The following SFMBT1 variants were observed in gnomAD, a reference collection of about 807,000 sequenced individuals.
SFMBT1 encodes the protein Scm like with four mbt domains 1.
Under a neutral mutation model 108.7 loss-of-function variants are expected in SFMBT1, and 32 were observed. That is an observed-to-expected ratio of 0.29 (90% confidence interval 0.22 to 0.40). The LOEUF (loss-of-function observed/expected upper bound fraction) is 0.40. Among genes scored for constraint, SFMBT1 ranks in the 10% least tolerant of loss-of-function variants. The pLI is 1.00. For synonymous variants in SFMBT1, 348 were observed against 369.5 expected (o/e 0.94, Z 0.67); for missense variants, 816 against 1,059.6 (o/e 0.77, Z 3.19).
chr3:53,037,153 G>A (rs1371031481), intron 1 of SFMBT1, among the ~76,000 whole-genome samples: 1 of 152,222 alleles, frequency 6.6e-6, no homozygotes, highest in East Asian at 1.9e-4. Context: ...GGTGAGGGCA[G>A]TTGTGTCTTA....
intron 1 of SFMBT1, among the ~76,000 whole-genome samples, chr3:53,022,307 G>C (rs1452329454): frequency 6.6e-6 from 1 of 151,914 alleles, no homozygotes; most frequent in Non-Finnish European, 1.5e-5. Context: ...AAAATTAGCT[G>C]AACATGGTGG....
rs144804055 is a variant in SFMBT1, at chr3:52,981,389, G to T, written c.-130-12131C>A. On this transcript the variant is annotated intron_variant, in intron 1 of 20. Transcript: ENST00000394752. ...TTCTGTGGAATTTTTTTGAGACAGGGTCTTGTTCTGTCACCCAGGCTGGAG... is the reference window on the plus strand; with the variant it reads ...TTCTGTGGAATTTTTTTGAGACAGGTTCTTGTTCTGTCACCCAGGCTGGAG... 8.9e-3 allele frequency among the ~76,000 whole-genome samples: 1,352 copies of T among 152,080 alleles called. 5 individuals carry two copies. The highest frequency in any genetic ancestry group is 0.014 in the Non-Finnish European group (962 of 67,978).
At position 52,934,969 on chromosome 3, in the gene SFMBT1, G is replaced by A. The variant is rs147126881; in HGVS notation, c.365-68C>T. On this transcript the variant is annotated intron_variant, in intron 4 of 20. Coordinates refer to ENST00000394752, the MANE Select transcript of SFMBT1 (RefSeq NM_016329.4). Reference sequence around the variant, plus strand: ...ACAGAATGCAGAGAAACCGAAATCAGTGGAGATGGTTTAAAGGTATTTCAC... The same window carrying A: ...ACAGAATGCAGAGAAACCGAAATCAATGGAGATGGTTTAAAGGTATTTCAC... 2.3e-4 allele frequency: 281 copies of A among 1,236,478 alleles called. 4 individuals are homozygous for A. The East Asian group carries it at 6.6e-3, about 29-fold the overall frequency. The allele number at this position is 1,236,478 out of a possible 1,614,324, so 76.6% of individuals were successfully genotyped here. A position where few individuals can be genotyped will look rare whatever the true frequency, so the allele number is the denominator to read the frequency against.
At chr3:52,945,140 A>AAAAAAAAAAAAAAAAAAAAAAAAC (rs1368281318) in intron 3 of SFMBT1, among the ~76,000 whole-genome samples, 22 of 146,248 alleles carry the variant, frequency 1.5e-4, no homozygotes, top group East Asian at 4.0e-4. Context: ...TCCAATTAAA[A>AAAAAAAAAAAAAAAAAAAAAAAAC]AAAAAAAAAA....
At chr3:52,963,267 T>C (rs1347968302) in intron 2 of SFMBT1, among the ~76,000 whole-genome samples, 3 of 152,094 alleles carry the variant, frequency 2.0e-5, no homozygotes, top group Non-Finnish European at 4.4e-5. Context: ...AGTGCTGGGA[T>C]TACAGGCATG....
rs747436260 is a variant in SFMBT1 at position 52,911,086 on chromosome 3, T to G, written c.1823A>C (p.Glu608Ala). The change falls in exon 17 of 21, where the codon GAA (glutamate) becomes GCA (alanine). Residue 608 changes from glutamate (E) to alanine (A), a missense_variant. Transcript: ENST00000394752. ...EFCRQTCIKL[E>A]CCPNLFGPRM... ...TGGACCGAAGAGGTTAGGACAGCAT[T>G]CCAGTTTGATACAGGTTTGCCGGCA... The G allele has an allele frequency of 9.9e-6, 16 of 1,614,160 alleles. 1 individual carries two copies. In the South Asian group the frequency reaches 1.6e-4, roughly 17 times the overall value.
rs1704258701 is a variant in SFMBT1 at position 52,969,202 on chromosome 3, T to C, written c.-74A>G. ...CTATGGTTCTGCTAGGATCTGAAGA[T>C]TACTTGCAGGTTTCAAGCATCTGTT... is the stretch of plus-strand genomic sequence containing the variant. On this transcript the variant is annotated 5_prime_UTR_variant, in exon 2 of 21. An upstream open reading frame in the 5' UTR loses its in-frame stop. Transcript: ENST00000394752. 3 of 1,596,762 alleles carry C rather than the reference T, an allele frequency of 1.9e-6. No individual in the cohort carries two copies. Among genetic ancestry groups the C allele is most frequent in the South Asian group, 1.1e-5 (1 of 88,028 alleles).
intron 1 of SFMBT1, among the ~76,000 whole-genome samples, chr3:53,028,890 A>G (rs1699584804): frequency 6.6e-6 from 1 of 152,126 alleles, no homozygotes; most frequent in Admixed American, 6.5e-5. Flanking sequence ...GTTATGGGCT[A>G]GGCCGGGCGC....
intron 8 of SFMBT1, chr3:52,928,562 A>C (rs149720376): frequency 3.2e-6 from 1 of 315,214 alleles, no homozygotes; most frequent in Non-Finnish European, 5.9e-6. Context: ...TGAATGAGGT[A>C]AGTACATATA....
At chr3:52,955,969 A>G (rs1373330453) in intron 2 of SFMBT1, among the ~76,000 whole-genome samples, 1 of 152,228 alleles carries the variant, frequency 6.6e-6, no homozygotes, top group Non-Finnish European at 1.5e-5. Flanking sequence ...AAATACTGGC[A>G]AACAGAATGC....
chr3:52,907,876 T>A, intron 17 of SFMBT1, 143 bp from the exon 18 acceptor site: 1 of 750,682 alleles, frequency 1.3e-6, no homozygotes, highest in Non-Finnish European at 2.1e-6. Context: ...AATAAACAGA[T>A]CTGAAGTGCA....
At chr3:52,921,932 T>G in intron 10 of SFMBT1, 101 bp from the exon 11 acceptor site, 1 of 1,149,828 alleles carries the variant, frequency 8.7e-7, no homozygotes, top group Non-Finnish European at 1.3e-6. Flanking sequence ...ATCCCTAGGT[T>G]TAAAGATAAC....
In SFMBT1 at chr3:52,918,466, T is replaced by C; in HGVS notation, c.1415+18A>G. On this transcript the variant is annotated intron_variant, in intron 13 of 20. Coordinates refer to ENST00000394752, the MANE Select transcript of SFMBT1 (RefSeq NM_016329.4). ...GATATTCTAACTTGTAAACTGTTCA[T>C]ATTATTACGTTACTTACTGTTTTTC... 13 of 1,558,242 alleles carry C rather than the reference T, an allele frequency of 8.3e-6. No individual in the cohort carries two copies. Among genetic ancestry groups the C allele is most frequent in the South Asian group, 1.2e-5 (1 of 81,048 alleles).
At chr3:53,045,085 G>C (rs1163404767) in intron 1 of SFMBT1, 1 of 152,080 alleles carries the variant, frequency 6.6e-6, no homozygotes, top group Non-Finnish European at 1.5e-5. Flanking sequence ...AACAGAAATC[G>C]AAACGGTCGC....
At chr3:52,994,379 C>T (rs1395814525) in intron 1 of SFMBT1, among the ~76,000 whole-genome samples, 1 of 150,260 alleles carries the variant, frequency 6.7e-6, no homozygotes, top group Non-Finnish European at 1.5e-5. Context: ...AAGAGACAAC[C>T]TGAAACATCA....
chr3:53,040,968 A>ATTTTTTTTTTTTTGTTTTTTTTTTTTT (rs1700027157), intron 1 of SFMBT1, among the ~76,000 whole-genome samples: 1 of 46,362 alleles, frequency 2.2e-5, no homozygotes. Flanking sequence ...AGACACCTGA[A>ATTTTTTTTTTTTTGTTTTTTTTTTTTT]TTTTTTTTTT....
chr3:52,979,224 C>A (rs1704623378), intron 1 of SFMBT1, among the ~76,000 whole-genome samples: 1 of 151,884 alleles, frequency 6.6e-6, no homozygotes, highest in Admixed American at 6.6e-5. Context: ...CTGGGTTACC[C>A]TTAGGATATG....
At chr3:52,976,574 AG>A (rs1438599014) in intron 1 of SFMBT1, among the ~76,000 whole-genome samples, 16 of 152,222 alleles carry the variant, frequency 1.1e-4, no homozygotes, top group Admixed American at 2.0e-4. Context: ...GGAATAGCAT[AG>A]ATTTCCTTAA....
chr3:53,014,472 TAAAAAAAACAAAACA>T (rs376955727), intron 1 of SFMBT1, among the ~76,000 whole-genome samples: 4,570 of 129,158 alleles, frequency 0.035, 273 homozygotes, highest in African/African-American at 0.12. Flanking sequence ...ACCCTGTATT[TAAAAAAAACAAAACA>T]AAACAAAACA....
Sources: allele counts gnomAD v4.1 joint callset (sites outside exome capture counted in the v4.1 genomes callset), GRCh38; gene constraint gnomAD v4.1.1; transcripts MANE v1.5; gene names NCBI Gene and HGNC (gene_info 2026-07-23, HGNC 2026-07-21).